PSPC1: variants seen among roughly 807,000 people sequenced by gnomAD.
PSPC1 encodes the protein paraspeckle protein 1.
Under a neutral mutation model 51.6 loss-of-function variants are expected in PSPC1, and 14 were observed. That is an observed-to-expected ratio of 0.27 (90% CI 0.18 to 0.42). The LOEUF (loss-of-function observed/expected upper bound fraction) is 0.42. Among genes scored for constraint, PSPC1 ranks in the 10% least tolerant of loss-of-function variants. PSPC1 has a pLI of 1.00. For synonymous variants in PSPC1, 193 were observed against 231.9 expected (o/e 0.83, Z 1.53); for missense variants, 406 against 701.1 (o/e 0.58, Z 4.75).
At chr13:19,691,522 G>A (rs545634856) in intron 6 of PSPC1, among the ~76,000 whole-genome samples, 4 of 151,770 alleles carry the variant, frequency 2.6e-5, no homozygotes, top group South Asian at 2.1e-4. Flanking sequence ...ACCTTGTCTC[G>A]AAAAAAGACA....
At chr13:19,718,326 G>T (rs898111993) in intron 6 of PSPC1, among the ~76,000 whole-genome samples, 31 of 151,986 alleles carry the variant, frequency 2.0e-4, no homozygotes, top group African/African-American at 7.0e-4. Context: ...ATGAATATCT[G>T]GGAAAATATT....
chr13:19,754,510 G>A (rs1332107033), intron 3 of PSPC1, among the ~76,000 whole-genome samples: 1 of 148,222 alleles, frequency 6.7e-6, no homozygotes. Context: ...GAGTGCAGTG[G>A]CACAATCTCC....
intron 6 of PSPC1, among the ~76,000 whole-genome samples, chr13:19,683,376 CA>C (rs1239644891): frequency 8.5e-5 from 13 of 152,104 alleles, no homozygotes; most frequent in Non-Finnish European, 1.8e-4. Context: ...AGATGAATTT[CA>C]AAAACATTAT....
chr13:19,762,027 G>A lies in PSPC1; in HGVS notation c.675-2609C>T, dbSNP rs544608956. Among the ~76,000 whole-genome samples, 135 of 152,294 alleles carry A rather than the reference G, an allele frequency of 8.9e-4. 1 individual carries two copies. Among genetic ancestry groups the A allele is most frequent in the African/African-American group, 3.2e-3 (131 of 41,560 alleles). On this transcript the variant is annotated intron_variant, in intron 2 of 8. Transcript: ENST00000338910. ...CAAGGGAAACCGTAATCAGAATTAA[G>A]GGAAAACTCTGACATCTCTGTACTC...
At chr13:19,747,524 G>GCAAAAA (rs1886119133) in intron 4 of PSPC1, among the ~76,000 whole-genome samples, 1 of 152,034 alleles carries the variant, frequency 6.6e-6, no homozygotes, top group Non-Finnish European at 1.5e-5. Context: ...GTAGAGACGG[G>GCAAAAA]GTCTCACTGT....
At chr13:19,769,278 G>A (rs931773388) in intron 2 of PSPC1, among the ~76,000 whole-genome samples, 10 of 151,614 alleles carry the variant, frequency 6.6e-5, no homozygotes, top group East Asian at 1.9e-4. Flanking sequence ...TCTAACGGCC[G>A]GGCGCAGTGG....
chr13:19,691,249 AG>A (rs902766533), intron 6 of PSPC1, among the ~76,000 whole-genome samples: 1 of 152,240 alleles, frequency 6.6e-6, no homozygotes, highest in Non-Finnish European at 1.5e-5. Flanking sequence ...TGCTGGGCAC[AG>A]TGGCTCACAC....
chr13:19,691,851 G>T (rs1878595847), intron 6 of PSPC1, among the ~76,000 whole-genome samples: 1 of 152,090 alleles, frequency 6.6e-6, no homozygotes, highest in African/African-American at 2.4e-5. Flanking sequence ...CTGGGAGGTG[G>T]ATGTTGCAGT....
chr13:19,710,030 A>T (rs1257815874), intron 6 of PSPC1, among the ~76,000 whole-genome samples: 1 of 152,256 alleles, frequency 6.6e-6, no homozygotes, highest in Non-Finnish European at 1.5e-5. Context: ...ATGTATTTGA[A>T]CATATAACAC....
chr13:19,682,799 C>A (rs747043305), intron 6 of PSPC1, among the ~76,000 whole-genome samples: 18 of 151,922 alleles, frequency 1.2e-4, no homozygotes, highest in Admixed American at 3.9e-4. Flanking sequence ...GTATGGCTCA[C>A]AGGTATAATC....
chr13:19,777,063 G>C (rs776056900), intron 1 of PSPC1, among the ~76,000 whole-genome samples: 6 of 146,596 alleles, frequency 4.1e-5, no homozygotes, highest in Non-Finnish European at 7.4e-5. Flanking sequence ...AGGCAAGGCT[G>C]CAGTGAGCCC....
chr13:19,771,299 G>A (rs949340506), intron 2 of PSPC1, among the ~76,000 whole-genome samples: 1 of 151,994 alleles, frequency 6.6e-6, no homozygotes, highest in Non-Finnish European at 1.5e-5. Flanking sequence ...CACCAAGCCC[G>A]GCTAATTCCT....
At chr13:19,748,123 G>A (rs1479818095) in intron 4 of PSPC1, among the ~76,000 whole-genome samples, 1 of 151,968 alleles carries the variant, frequency 6.6e-6, no homozygotes, top group African/African-American at 2.4e-5. Context: ...TGAGGCAGGA[G>A]AATCGCTTGA....
At chr13:19,720,781 T>C (rs1252041317) in intron 6 of PSPC1, among the ~76,000 whole-genome samples, 2 of 152,030 alleles carry the variant, frequency 1.3e-5, no homozygotes, top group South Asian at 2.1e-4. Context: ...GTTTGACACA[T>C]AGTGCACAAT....
intron 5 of PSPC1, among the ~76,000 whole-genome samples, chr13:19,735,856 C>CT (rs1313689407): frequency 8.6e-5 from 13 of 152,026 alleles, no homozygotes; most frequent in African/African-American, 2.9e-4. Context: ...GCAGTCCCCT[C>CT]TGTCACCCAG....
intron 4 of PSPC1, among the ~76,000 whole-genome samples, chr13:19,750,167 A>C (rs566669527): frequency 1.1e-4 from 16 of 152,308 alleles, no homozygotes; most frequent in African/African-American, 3.1e-4. Flanking sequence ...CGGTTTAAAG[A>C]AAGCCAAGAT....
At chr13:19,748,225 G>GAAA (rs11379226) in intron 4 of PSPC1, among the ~76,000 whole-genome samples, 3 of 147,064 alleles carry the variant, frequency 2.0e-5, no homozygotes, top group South Asian at 4.2e-4. Context: ...CTCAAAAAAA[G>GAAA]AAAAAAAAAA....
chr13:19,745,861 G>C (rs1032655306), intron 4 of PSPC1, among the ~76,000 whole-genome samples: 2 of 151,874 alleles, frequency 1.3e-5, no homozygotes, highest in African/African-American at 4.8e-5. Flanking sequence ...CGGCATTAAT[G>C]TTCTTTAATC....
At chr13:19,717,965 G>C (rs1882323041) in intron 6 of PSPC1, among the ~76,000 whole-genome samples, 1 of 151,786 alleles carries the variant, frequency 6.6e-6, no homozygotes, top group African/African-American at 2.4e-5. Context: ...GATCCCTTGA[G>C]GTCAGGAATT....
Sources: gnomAD v4.1 joint callset for allele counts (sites outside exome capture counted in the v4.1 genomes callset) on GRCh38, gnomAD v4.1.1 for gene constraint, MANE v1.5 for transcripts, NCBI Gene and HGNC (gene_info 2026-07-23, HGNC 2026-07-21) for gene names.